The following LRRFIP2 variants were observed in gnomAD, a reference collection of about 807,000 sequenced individuals.
LRRFIP2 encodes LRR binding FLII interacting protein 2.
A neutral mutation model predicts 125.9 loss-of-function variants in LRRFIP2; 109 were observed. The ratio of observed to expected loss-of-function variants is 0.87; its 90% CI spans 0.74 to 1.01. LRRFIP2 has a LOEUF of 1.01. LRRFIP2 is among the 50% of genes least tolerant of loss of function. The probability of loss-of-function intolerance (pLI) is 0.00; values close to 1 mark genes in which losing one functional copy is unlikely to be tolerated. For synonymous variants in LRRFIP2, 291 were observed against 293.1 expected, an observed-to-expected ratio of 0.99 and a Z score of 0.07; for missense variants, 850 against 862.3, an observed-to-expected ratio of 0.99 and a Z score of 0.18.
At chr3:37,068,419 T>C (rs2090550786) in intron 21 of LRRFIP2, 1 of 152,238 alleles carries the variant, frequency 6.6e-6, no homozygotes. Flanking sequence ...CACTGGGTTT[T>C]ATTTTTACCT....
Position 37,114,919 on chromosome 3 carries a change from T to C in LRRFIP2, c.372+135A>G, listed in dbSNP as rs550162397. The stretch of plus-strand genomic sequence containing the variant: ...TGCCACAACCACAAAACATTAGCTT[T>C]TTGCTTTGTTAGTCACACATTTTCC... On this transcript the variant is annotated intron_variant, in intron 7 of 27. Coordinates refer to ENST00000336686, the MANE Select transcript of LRRFIP2 (RefSeq NM_006309.4). 1.4e-4 allele frequency: 89 copies of C among 650,674 alleles called. No individual in the cohort carries two copies. The South Asian group carries it at 1.7e-3, about 13-fold the overall frequency. 40.3% of individuals were successfully genotyped at this position (650,674 alleles called of 1,614,324 possible). A position where few individuals can be genotyped will look rare whatever the true frequency, so the allele number is the denominator to read the frequency against.
chr3:37,083,768 G>A lies in LRRFIP2; in HGVS notation c.1146C>T (p.Ala382=). ...LSEVEEKYKK[A]MVSNAQLDNE... Reference sequence around the variant, plus strand: ...TGTCTAACTGTGCATTGGAAACCATGGCTTTCTTGTATTTTTCTTCCACTT... The same window carrying A: ...TGTCTAACTGTGCATTGGAAACCATAGCTTTCTTGTATTTTTCTTCCACTT... The change falls in exon 19 of 28, where the codon GCC becomes GCT. Residue 382 remains alanine (A), a synonymous_variant. Coordinates refer to ENST00000336686, the MANE Select transcript of LRRFIP2 (RefSeq NM_006309.4). The A allele has an allele frequency of 6.3e-7, 1 of 1,593,838 alleles. No homozygotes were observed. Among genetic ancestry groups the A allele is most frequent in the Non-Finnish European group, 8.5e-7 (1 of 1,173,988 alleles).
At chr3:37,147,862 C>G (rs901690567) in intron 2 of LRRFIP2, among the ~76,000 whole-genome samples, 1 of 152,188 alleles carries the variant, frequency 6.6e-6, no homozygotes, top group Admixed American at 6.5e-5. Context: ...CAATATACGG[C>G]AGGAAATGTT....
intron 26 of LRRFIP2, 68 bp from the exon 27 acceptor site, chr3:37,054,583 T>G (rs2086260399): frequency 2.0e-6 from 2 of 1,014,628 alleles, no homozygotes; most frequent in Admixed American, 4.2e-5. Flanking sequence ...GTAGCCAGGA[T>G]GGAAATACAA....
intron 21 of LRRFIP2, chr3:37,066,732 A>G (rs2148800059): frequency 5.9e-6 from 1 of 168,718 alleles, no homozygotes; most frequent in East Asian, 1.5e-4. Context: ...TGTTTAACTA[A>G]ACTAGTTTAT....
chr3:37,053,814 C>A lies in LRRFIP2; in HGVS notation c.*37G>T, dbSNP rs779060738. The A allele has an allele frequency of 7.2e-7, 1 of 1,387,950 alleles. No homozygotes were observed. The highest frequency in any genetic ancestry group is 1.0e-6 in the Non-Finnish European group (1 of 973,626). 86.0% of individuals were successfully genotyped at this position (1,387,950 alleles called of 1,614,324 possible). On this transcript the variant is annotated 3_prime_UTR_variant, in exon 28 of 28. Transcript: ENST00000336686. ...CAAAAGTCAGTCCCTCTAGGTAGGG[C>A]CCCAAGGAGCATCACCCAGGTTGAA...
chr3:37,061,073 G>A (rs537616586), intron 24 of LRRFIP2, among the ~76,000 whole-genome samples: 11 of 152,256 alleles, frequency 7.2e-5, no homozygotes, highest in Admixed American at 7.2e-4. Context: ...CGCTCTGGTA[G>A]TTCACACAAG....
In LRRFIP2 at chr3:37,105,440, G is replaced by A. The variant is rs1225642957; in HGVS notation, c.783+15C>T. 2 of 1,609,370 alleles carry A rather than the reference G, an allele frequency of 1.2e-6. No homozygotes were observed. Among genetic ancestry groups the A allele is most frequent in the Non-Finnish European group, 1.7e-6 (2 of 1,175,834 alleles). ...TAAAACTCATCTTATTTCTTTGCAT[G>A]CAAATCATGCTCACCACACTCTCCC... On this transcript the variant is annotated intron_variant, in intron 14 of 27. Coordinates refer to ENST00000336686, the MANE Select transcript of LRRFIP2 (RefSeq NM_006309.4).
chr3:37,075,491 C>T (rs147424385), intron 19 of LRRFIP2, among the ~76,000 whole-genome samples: 2 of 152,042 alleles, frequency 1.3e-5, no homozygotes, highest in East Asian at 3.9e-4. Flanking sequence ...TACATGTAAA[C>T]TTACAAAATA....
At position 37,082,511 on chromosome 3, in the gene LRRFIP2, A is replaced by G. The variant is rs140537338; in HGVS notation, c.1278+1125T>C. On this transcript the variant is annotated intron_variant, in intron 19 of 27. Transcript: ENST00000336686. ...TACATTTCGTTCTATCACTGAACCA[A>G]CATTGACAGATCACTATCACCCAAA... Among the ~76,000 whole-genome samples the G allele has an allele frequency of 3.3e-3, 506 of 152,214 alleles. 6 individuals are homozygous for G. The highest frequency in any genetic ancestry group is 0.01 in the East Asian group (52 of 5,182).
chr3:37,123,298 C>T (rs1289425991), intron 4 of LRRFIP2, among the ~76,000 whole-genome samples: 4 of 152,162 alleles, frequency 2.6e-5, no homozygotes, highest in African/African-American at 7.2e-5. Context: ...GAGCAATTCT[C>T]GTGCTTTGGC....
Position 37,060,203 on chromosome 3 carries a change from T to C in LRRFIP2, c.1750-1293A>G, listed in dbSNP as rs1329474080. 6.6e-6 allele frequency among the ~76,000 whole-genome samples: 1 copy of C among 152,220 alleles called. No homozygotes were observed. The highest frequency in any genetic ancestry group is 2.4e-5 in the African/African-American group (1 of 41,466). ...CAGTCCATCATCAGCAAACACCCTC[T>C]GTCCTCAGTCTTTTCTGAGCATCCC... On this transcript the variant is annotated intron_variant, in intron 24 of 27. Coordinates refer to ENST00000336686, the MANE Select transcript of LRRFIP2 (RefSeq NM_006309.4). The surrounding 1 kb of genome is among the most constrained non-coding windows in gnomAD (Gnocchi z 4.1).
chr3:37,064,756 T>TA (rs1467226640), intron 23 of LRRFIP2: 1 of 152,160 alleles, frequency 6.6e-6, no homozygotes, highest in Non-Finnish European at 1.5e-5. Flanking sequence ...AAGCAGCTGA[T>TA]ACCTCGCCAA....
Position 37,055,131 on chromosome 3 carries a change from A to G in LRRFIP2, c.1905T>C (p.Phe635=). ...DANRQISEYK[F]KLSKAEQDIT... ...TATCCTGTTCTGCTTTTGAAAGCTT[A>G]AATTTGTATTCGCTAATTTGTCTAT... Residue 635 remains phenylalanine (F), a synonymous_variant, in exon 26 of 28, where the codon TTT becomes TTC. Transcript: ENST00000336686. 1 of 1,595,198 alleles carries G rather than the reference A, an allele frequency of 6.3e-7. No homozygotes were observed. Among genetic ancestry groups the G allele is most frequent in the Non-Finnish European group, 8.5e-7 (1 of 1,173,860 alleles).
chr3:37,093,005 A>AT (rs1039871048), intron 17 of LRRFIP2: 2 of 152,054 alleles, frequency 1.3e-5, no homozygotes, highest in Non-Finnish European at 2.9e-5. Context: ...TGCCCAGCTA[A>AT]TTTTTTGTAT....
chr3:37,097,005 GAA>G (rs2093752053), intron 15 of LRRFIP2, among the ~76,000 whole-genome samples: 1 of 151,878 alleles, frequency 6.6e-6, no homozygotes, highest in South Asian at 2.1e-4. Flanking sequence ...ATATCAAAAA[GAA>G]AAGTCTGATA....
chr3:37,171,015 A>C (rs1380256568), intron 1 of LRRFIP2: 1 of 152,388 alleles, frequency 6.6e-6, no homozygotes, highest in African/African-American at 2.4e-5. Context: ...TCGAGGCTGC[A>C]GTGATCTGTG....
At position 37,114,110 on chromosome 3, in the gene LRRFIP2, CTT is replaced by C. The variant is rs11337665; in HGVS notation, c.372+942_372+943del. Among the ~76,000 whole-genome samples, 472 of 148,502 alleles carry C rather than the reference CTT, an allele frequency of 3.2e-3. 2 individuals carry two copies. The highest frequency in any genetic ancestry group is 4.2e-3 in the Non-Finnish European group (284 of 66,984). On this transcript the variant is annotated intron_variant, in intron 7 of 27. Coordinates refer to ENST00000336686, the MANE Select transcript of LRRFIP2 (RefSeq NM_006309.4). ...AATCAATGATTAAAAACTCATTTTA[CTT>C]TTTTTTTTTTGAATATGCATCTTTT...
At chr3:37,121,455 T>A (rs376871281) in intron 6 of LRRFIP2, 37 bp downstream of exon 6, 442 of 1,595,362 alleles carry the variant, frequency 2.8e-4, no homozygotes, top group Non-Finnish European at 3.6e-4. Flanking sequence ...AGCTCACACG[T>A]AAGCTTTGTA....
Sources: gnomAD v4.1 joint callset for allele counts (sites outside exome capture counted in the v4.1 genomes callset) on GRCh38, gnomAD v4.1.1 for gene constraint, Gnocchi (gnomAD v3.1) non-coding constraint, MANE v1.5 for transcripts, NCBI Gene and HGNC (gene_info 2026-07-23, HGNC 2026-07-21) for gene names.